Variants in TRPM3 observed in about 807,000 individuals in gnomAD.
The protein encoded by TRPM3 is transient receptor potential cation channel subfamily M member 3, also known as long transient receptor potential channel 3.
TRPM3 carries 77 observed loss-of-function variants against 181.2 expected under a neutral mutation model. The ratio of observed to expected loss-of-function variants is 0.42; its 90% CI spans 0.35 to 0.51. The LOEUF is 0.51. TRPM3 is among the 20% of genes least tolerant of loss of function. The pLI is 0.01. For missense variants in TRPM3, 1,759 were observed against 2,196.7 expected (o/e 0.80, Z 3.98); for synonymous variants, 745 against 796.4 (o/e 0.94, Z 1.09).
chr9:71,225,658 A>C (rs1156623436), intron 1 of TRPM3, among the ~76,000 whole-genome samples: 2 of 152,050 alleles, frequency 1.3e-5, no homozygotes, highest in Non-Finnish European at 2.9e-5. Flanking sequence ...AATAAAAAGT[A>C]ACTATAACTT....
chr9:71,183,862 G>A (rs2077532831), intron 1 of TRPM3, among the ~76,000 whole-genome samples: 1 of 152,096 alleles, frequency 6.6e-6, no homozygotes, highest in South Asian at 2.1e-4. Flanking sequence ...TTGTGAGAAC[G>A]TAGGCCAAAG....
chr9:70,621,035 T>TAA (rs1040452317), intron 15 of TRPM3, among the ~76,000 whole-genome samples: 1 of 145,826 alleles, frequency 6.9e-6, no homozygotes, highest in Non-Finnish European at 1.5e-5. Context: ...TATATATATA[T>TAA]AATATATACA....
chr9:71,297,078 G>A (rs1461720200), intron 1 of TRPM3, among the ~76,000 whole-genome samples: 6 of 139,728 alleles, frequency 4.3e-5, no homozygotes, highest in Admixed American at 7.8e-5. Context: ...TGCAACCTCC[G>A]CCTCCTGGGT....
intron 1 of TRPM3, among the ~76,000 whole-genome samples, chr9:71,422,583 A>G (rs576287106): frequency 2.0e-5 from 3 of 152,204 alleles, no homozygotes; most frequent in East Asian, 1.9e-4. Context: ...TATACTTAAT[A>G]AATGATATAA....
intron 12 of TRPM3, among the ~76,000 whole-genome samples, chr9:70,629,208 C>T (rs117912954): frequency 0.28 from 5,167 of 18,580 alleles, 216 homozygotes; most frequent in Non-Finnish European, 0.35. Context: ...GATTCTGTGA[C>T]CAGTGCCGGG....
At chr9:71,075,411 G>GT (rs1162894106) in intron 1 of TRPM3, among the ~76,000 whole-genome samples, 1 of 152,178 alleles carries the variant, frequency 6.6e-6, no homozygotes, top group Non-Finnish European at 1.5e-5. Context: ...AGGGGGTTGA[G>GT]TAGGGGCTAA....
intron 21 of TRPM3, among the ~76,000 whole-genome samples, chr9:70,597,842 T>C (rs2059288548): frequency 6.6e-6 from 1 of 152,190 alleles, no homozygotes; most frequent in Non-Finnish European, 1.5e-5. Flanking sequence ...TCAACCCAAC[T>C]CAAATCAGCA....
intron 22 of TRPM3, among the ~76,000 whole-genome samples, chr9:70,572,094 C>T (rs1250761699): frequency 1.3e-5 from 2 of 148,404 alleles, no homozygotes; most frequent in Non-Finnish European, 3.0e-5. Flanking sequence ...AGGAAAGATA[C>T]AATATTTCTT....
At chr9:71,375,310 C>G (rs1211348916) in intron 1 of TRPM3, among the ~76,000 whole-genome samples, 1 of 152,174 alleles carries the variant, frequency 6.6e-6, no homozygotes, top group Non-Finnish European at 1.5e-5. Flanking sequence ...ACTGGGAGAA[C>G]TGGCTAGCCA....
chr9:70,640,551 A>G lies in TRPM3; in HGVS notation c.1446+9T>C, dbSNP rs566685249. 1.2e-6 allele frequency: 2 copies of G among 1,611,096 alleles called. No homozygotes were observed. Among genetic ancestry groups the G allele is most frequent in the Middle Eastern group, 1.7e-4 (1 of 6,050 alleles). ...GTGGGCTTTTCATGGGAGACGATAT[A>G]TACTCTACCGGCCACTGTTGCCCGT... On this transcript the variant is annotated intron_variant, in intron 10 of 25. Transcript: ENST00000677713.
chr9:70,791,950 T>C (rs1195123181), intron 6 of TRPM3, among the ~76,000 whole-genome samples: 2 of 152,192 alleles, frequency 1.3e-5, no homozygotes, highest in Non-Finnish European at 2.9e-5. Flanking sequence ...CTTCTTGCTT[T>C]GCTTTTCTAT....
intron 1 of TRPM3, among the ~76,000 whole-genome samples, chr9:71,096,997 T>C (rs1013084865): frequency 3.3e-5 from 5 of 151,950 alleles, no homozygotes; most frequent in Non-Finnish European, 5.9e-5. Flanking sequence ...GAGAAGAAGG[T>C]GGGGGAAGAA....
At chr9:71,345,474 G>A (rs113839896) in intron 1 of TRPM3, among the ~76,000 whole-genome samples, 12 of 152,114 alleles carry the variant, frequency 7.9e-5, no homozygotes, top group South Asian at 2.1e-4. Context: ...ATCATTCTCC[G>A]CAAACAAACA....
At chr9:70,993,650 G>C (rs547303321) in intron 1 of TRPM3, among the ~76,000 whole-genome samples, 98 of 152,216 alleles carry the variant, frequency 6.4e-4, no homozygotes, top group Non-Finnish European at 1.2e-3. Context: ...ACCAAGTCGA[G>C]ATGGTCTTTG....
chr9:71,221,826 T>C (rs1302169550), intron 1 of TRPM3, among the ~76,000 whole-genome samples: 2 of 152,002 alleles, frequency 1.3e-5, no homozygotes, highest in African/African-American at 2.4e-5. Context: ...AGATAAAGAG[T>C]AGGAAATTTA....
chr9:71,090,819 A>G (rs1342146907), intron 1 of TRPM3, among the ~76,000 whole-genome samples: 2 of 152,184 alleles, frequency 1.3e-5, no homozygotes, highest in South Asian at 2.1e-4. Context: ...TACTTTCAAG[A>G]TTAAATGAAT....
At chr9:71,054,350 C>G (rs566711328) in intron 1 of TRPM3, among the ~76,000 whole-genome samples, 2 of 152,038 alleles carry the variant, frequency 1.3e-5, no homozygotes, top group East Asian at 1.9e-4. Flanking sequence ...TCTATTCCCC[C>G]CTTTAGAAGG....
chr9:71,017,834 T>A (rs1183006866), intron 1 of TRPM3, among the ~76,000 whole-genome samples: 5 of 151,834 alleles, frequency 3.3e-5, no homozygotes, highest in African/African-American at 1.2e-4. Context: ...AGATTTGACC[T>A]AACTGACATA....
intron 1 of TRPM3, among the ~76,000 whole-genome samples, chr9:70,930,856 G>C (rs1314575154): frequency 6.6e-6 from 1 of 151,936 alleles, no homozygotes; most frequent in African/African-American, 2.4e-5. Flanking sequence ...AGGAAAAACA[G>C]GGCAAATGAA....
Sources: allele counts gnomAD v4.1 joint callset (sites outside exome capture counted in the v4.1 genomes callset), GRCh38; gene constraint gnomAD v4.1.1; transcripts MANE v1.5; gene names NCBI Gene and HGNC (gene_info 2026-07-23, HGNC 2026-07-21).